Variants in RGS6 observed in about 807,000 individuals in gnomAD.
The protein encoded by RGS6 is regulator of G-protein signaling 6.
RGS6 carries 30 observed loss-of-function variants against 78.5 expected under a neutral mutation model. The ratio of observed to expected loss-of-function variants is 0.38; its 90% CI spans 0.29 to 0.52. The LOEUF (loss-of-function observed/expected upper bound fraction) is 0.52, where lower values mean the gene tolerates loss of function less well. Ranked by LOEUF, RGS6 falls within the 20% of genes least tolerant of loss-of-function variation. RGS6 has a pLI of 0.85. For missense variants in RGS6, 495 were observed against 609.7 expected (o/e 0.81, Z 1.98); for synonymous variants, 206 against 206.0 (o/e 1.00, Z 0.00).
intron 2 of RGS6, among the ~76,000 whole-genome samples, chr14:71,987,633 G>A (rs569006799): frequency 2.6e-5 from 4 of 151,948 alleles, no homozygotes; most frequent in East Asian, 1.9e-4. Context: ...TGATCCTCCC[G>A]TCTCAGCCTT....
At chr14:72,329,876 G>T (rs2074608831) in intron 2 of RGS6, among the ~76,000 whole-genome samples, 1 of 152,134 alleles carries the variant, frequency 6.6e-6, no homozygotes, top group Admixed American at 6.5e-5. Context: ...ACATCACAGG[G>T]CAGCCCCTCT....
intron 2 of RGS6, among the ~76,000 whole-genome samples, chr14:72,152,126 A>G (rs1387102675): frequency 6.6e-6 from 1 of 152,180 alleles, no homozygotes; most frequent in African/African-American, 2.4e-5. Context: ...GTGGTCTAAA[A>G]ATGATAAAAC....
intron 2 of RGS6, among the ~76,000 whole-genome samples, chr14:72,128,153 G>A (rs1449393520): frequency 6.6e-6 from 1 of 152,138 alleles, no homozygotes. Context: ...TTATGGCTGT[G>A]TCTTATTACA....
chr14:72,377,991 AT>A (rs1024640200), intron 3 of RGS6, among the ~76,000 whole-genome samples: 1 of 152,288 alleles, frequency 6.6e-6, no homozygotes, highest in Non-Finnish European at 1.5e-5. Context: ...CTCCAAAAAA[AT>A]ATTGAAATTT....
At position 72,481,607 on chromosome 14, in the gene RGS6, G is replaced by A. The variant is rs761029656; in HGVS notation, c.854+3278G>A. ...CAAATATTCTGTCCATTGTCTTCCT[G>A]AGTGCTTAAGTGTCCCCAAAATGCC... On this transcript the variant is annotated intron_variant, in intron 12 of 17. Coordinates refer to ENST00000553525, the MANE Select transcript of RGS6 (RefSeq NM_001204424.2). Among the ~76,000 whole-genome samples, 24 of 152,094 alleles carry A rather than the reference G, an allele frequency of 1.6e-4. 1 individual carries two copies. The highest frequency in any genetic ancestry group is 8.8e-5 in the Non-Finnish European group (6 of 68,018).
the RGS6 span, among the ~76,000 whole-genome samples, chr14:72,601,067 G>A: frequency 7.3e-5 from 11 of 151,212 alleles, no homozygotes; most frequent in Non-Finnish European, 1.5e-4. Flanking sequence ...AGGAGGAGGG[G>A]GAGGAGGAGG....
chr14:72,469,952 G>C lies in RGS6; in HGVS notation c.460-55G>C, dbSNP rs373588712. Reference sequence around the variant, plus strand: ...ATGCCTTATAATAAGCATAGGTGTCGATGTGCTAATTTACGATGATTAATG... The same window carrying C: ...ATGCCTTATAATAAGCATAGGTGTCCATGTGCTAATTTACGATGATTAATG... On this transcript the variant is annotated intron_variant, in intron 7 of 17. Transcript: ENST00000553525. 53 of 1,260,328 alleles carry C rather than the reference G, an allele frequency of 4.2e-5. No homozygotes were observed. In the South Asian group the frequency reaches 5.9e-4, roughly 14 times the overall value. 78.1% of individuals were successfully genotyped at this position (1,260,328 alleles called of 1,614,324 possible). A position where few individuals can be genotyped will look rare whatever the true frequency, so the allele number is the denominator to read the frequency against.
intron 3 of RGS6, among the ~76,000 whole-genome samples, chr14:72,383,191 TATATATATATATATATATATATAC>T (rs2086723426): frequency 9.4e-6 from 1 of 106,160 alleles, no homozygotes; most frequent in Admixed American, 9.8e-5. Flanking sequence ...TATATATATA[TATATATATATATATATATATATAC>T]ACACAAACAC....
the RGS6 span, among the ~76,000 whole-genome samples, chr14:71,926,603 A>AAAAAAAAAAAAAG: frequency 6.6e-6 from 1 of 151,662 alleles, no homozygotes; most frequent in Non-Finnish European, 1.5e-5. Context: ...AAAAAAAAAA[A>AAAAAAAAAAAAAG]AGAGTATCAA....
intron 2 of RGS6, among the ~76,000 whole-genome samples, chr14:72,245,868 AAAC>A (rs1330484700): frequency 6.6e-6 from 1 of 152,162 alleles, no homozygotes; most frequent in African/African-American, 2.4e-5. Context: ...CAACTGGGAG[AAAC>A]AACAAGGTCT....
chr14:72,320,124 T>G (rs1325751711), intron 2 of RGS6, among the ~76,000 whole-genome samples: 1 of 152,098 alleles, frequency 6.6e-6, no homozygotes, highest in Non-Finnish European at 1.5e-5. Context: ...ACAGCAACAT[T>G]CCAAGATTGC....
chr14:72,396,854 T>C (rs559348440), intron 3 of RGS6, among the ~76,000 whole-genome samples: 23 of 152,382 alleles, frequency 1.5e-4, no homozygotes, highest in Admixed American at 1.5e-3. Context: ...CAGATAGTTG[T>C]AGATGTGCGG....
At chr14:72,323,830 A>C (rs963384746) in intron 2 of RGS6, among the ~76,000 whole-genome samples, 1 of 143,186 alleles carries the variant, frequency 7.0e-6, no homozygotes, top group Non-Finnish European at 1.5e-5. Context: ...AAAAAAAAAA[A>C]AAAAAAAAAA....
intron 2 of RGS6, among the ~76,000 whole-genome samples, chr14:72,177,674 G>A (rs1361434189): frequency 6.6e-6 from 1 of 152,150 alleles, no homozygotes; most frequent in Non-Finnish European, 1.5e-5. Context: ...GGATCCCTTA[G>A]ATCTTATTGT....
At chr14:71,914,117 C>G in the RGS6 span, among the ~76,000 whole-genome samples, 12 of 152,204 alleles carry the variant, frequency 7.9e-5, no homozygotes, top group African/African-American at 2.9e-4. Context: ...GGCTTTGCTT[C>G]TCTGAGACTC....
chr14:72,514,808 C>A (rs577493509), intron 14 of RGS6, among the ~76,000 whole-genome samples: 37 of 152,216 alleles, frequency 2.4e-4, no homozygotes, highest in Non-Finnish European at 4.6e-4. Context: ...CTCCCTGCCG[C>A]TGCCCTTGGG....
chr14:72,216,561 CA>C (rs1292841543), intron 2 of RGS6, among the ~76,000 whole-genome samples: 1 of 152,170 alleles, frequency 6.6e-6, no homozygotes, highest in Non-Finnish European at 1.5e-5. Flanking sequence ...AAGATCATTT[CA>C]CTAACATGTA....
intron 14 of RGS6, among the ~76,000 whole-genome samples, chr14:72,510,502 T>A (rs1042900867): frequency 1.3e-5 from 2 of 152,248 alleles, no homozygotes; most frequent in Non-Finnish European, 2.9e-5. Context: ...TTCAAGTCTA[T>A]ATGACCTTTG....
chr14:72,092,001 CTTTTGTT>C (rs1355510611), intron 2 of RGS6, among the ~76,000 whole-genome samples: 1 of 150,656 alleles, frequency 6.6e-6, no homozygotes, highest in African/African-American at 2.5e-5. Flanking sequence ...TAGCTTCAGC[CTTTTGTT>C]TTGTTTTGTT....
Sources: gnomAD v4.1 joint callset for allele counts (sites outside exome capture counted in the v4.1 genomes callset) on GRCh38, gnomAD v4.1.1 for gene constraint, MANE v1.5 for transcripts, NCBI Gene and HGNC (gene_info 2026-07-23, HGNC 2026-07-21) for gene names.